SKAP1: variants seen among roughly 807,000 people sequenced by gnomAD.
SKAP1 encodes the protein src kinase-associated phosphoprotein 1.
SKAP1 carries 44 observed loss-of-function variants against 58.5 expected under a neutral mutation model. That is an observed-to-expected ratio of 0.75 (90% confidence interval 0.59 to 0.97). The LOEUF is 0.97. Among genes scored for constraint, SKAP1 ranks in the 50% least tolerant of loss-of-function variants. The pLI, the probability that SKAP1 is intolerant of heterozygous loss-of-function variation, is 0.00. For missense variants in SKAP1, 390 were observed against 435.2 expected (o/e 0.90, Z 0.92); for synonymous variants, 127 against 149.7 (o/e 0.85, Z 1.11).
At chr17:48,409,392 T>TG (rs2067632437) in intron 1 of SKAP1, among the ~76,000 whole-genome samples, 1 of 152,164 alleles carries the variant, frequency 6.6e-6, no homozygotes, top group Non-Finnish European at 1.5e-5. Context: ...CAGCTGGGTA[T>TG]GGTGGCTCAC....
chr17:48,437,269 CA>C, the SKAP1 span, among the ~76,000 whole-genome samples: 3 of 152,150 alleles, frequency 2.0e-5, no homozygotes, highest in Non-Finnish European at 4.4e-5. Context: ...CATGGGCTTA[CA>C]AATCAGAAAG....
intron 4 of SKAP1, among the ~76,000 whole-genome samples, chr17:48,287,091 C>T (rs943636512): frequency 1.8e-4 from 23 of 131,028 alleles, no homozygotes; most frequent in African/African-American, 6.2e-4. Context: ...AGCAAGACTC[C>T]GTCTCAAAAA....
rs553378092 is a variant in SKAP1, at chr17:48,297,183, C to G, written c.280+48722G>C. 3.3e-5 allele frequency among the ~76,000 whole-genome samples: 5 copies of G among 152,208 alleles called. No homozygotes were observed. The East Asian group carries it at 9.6e-4, about 29-fold the overall frequency. Reference sequence around the variant, plus strand: ...TGGTGGTTTTATTTTACTCTTTCACCTACTCTAAGTCTATAAATCAGTCTC... The same window carrying G: ...TGGTGGTTTTATTTTACTCTTTCACGTACTCTAAGTCTATAAATCAGTCTC... On this transcript the variant is annotated intron_variant, in intron 4 of 12. Transcript: ENST00000336915.
intron 4 of SKAP1, among the ~76,000 whole-genome samples, chr17:48,208,151 GA>G (rs1441366297): frequency 6.6e-6 from 1 of 152,098 alleles, no homozygotes; most frequent in Non-Finnish European, 1.5e-5. Context: ...AGGAAGGAAG[GA>G]AAAGTAAAAC....
chr17:48,140,760 TTTC>T (rs1324079846), intron 11 of SKAP1, among the ~76,000 whole-genome samples: 75 of 148,636 alleles, frequency 5.0e-4, no homozygotes, highest in African/African-American at 9.8e-4. Context: ...CTTCTTCTTC[TTTC>T]TTCTTCTTCT....
At chr17:48,256,962 G>A (rs952770109) in intron 4 of SKAP1, among the ~76,000 whole-genome samples, 3 of 151,962 alleles carry the variant, frequency 2.0e-5, no homozygotes, top group African/African-American at 7.3e-5. Flanking sequence ...ACCCCCTAAA[G>A]TCAAAGAGGT....
intron 4 of SKAP1, among the ~76,000 whole-genome samples, chr17:48,274,724 A>G (rs1347275946): frequency 6.6e-6 from 1 of 152,092 alleles, no homozygotes; most frequent in East Asian, 1.9e-4. Flanking sequence ...TTTTCTTTTA[A>G]AGAGACAGGG....
upstream of SKAP1, among the ~76,000 whole-genome samples, chr17:48,434,621 G>A (rs1196775956): frequency 6.6e-6 from 1 of 152,122 alleles, no homozygotes; most frequent in Non-Finnish European, 1.5e-5. Flanking sequence ...GTACAGGCTT[G>A]GAACAGTATG....
chr17:48,215,911 G>A (rs2064934041), intron 4 of SKAP1, among the ~76,000 whole-genome samples: 1 of 152,132 alleles, frequency 6.6e-6, no homozygotes. Context: ...CACCTTTCAG[G>A]AGAGCCCCTG....
intron 9 of SKAP1, among the ~76,000 whole-genome samples, chr17:48,173,666 A>C (rs994228963): frequency 6.6e-6 from 1 of 152,232 alleles, no homozygotes; most frequent in Non-Finnish European, 1.5e-5. Context: ...GCACTTTTGC[A>C]GAGGTTTATT....
chr17:48,271,362 C>CTTTTTT (rs35447830), intron 4 of SKAP1, among the ~76,000 whole-genome samples: 26 of 106,288 alleles, frequency 2.4e-4, no homozygotes, highest in Non-Finnish European at 3.1e-4. Context: ...TTCTTTGTTT[C>CTTTTTT]TTTTTTTTTT....
intron 4 of SKAP1, among the ~76,000 whole-genome samples, chr17:48,223,042 C>T (rs12952670): frequency 0.51 from 66,223 of 129,480 alleles, 17,714 homozygotes; most frequent in East Asian, 0.73. Flanking sequence ...CTAGCCTGGG[C>T]GACAGGGTGA....
intron 4 of SKAP1, among the ~76,000 whole-genome samples, chr17:48,251,121 C>T (rs117087654): frequency 2.0e-5 from 3 of 152,254 alleles, no homozygotes; most frequent in East Asian, 1.9e-4. Context: ...GTTAACTGCA[C>T]GATACTGTAA....
intron 4 of SKAP1, among the ~76,000 whole-genome samples, chr17:48,212,616 G>A (rs1000213096): frequency 6.6e-6 from 1 of 152,184 alleles, no homozygotes; most frequent in Non-Finnish European, 1.5e-5. Flanking sequence ...GTGCTTGAGG[G>A]TTACAGATAA....
At chr17:48,278,933 T>A (rs1278818408) in intron 4 of SKAP1, among the ~76,000 whole-genome samples, 1 of 152,158 alleles carries the variant, frequency 6.6e-6, no homozygotes, top group Non-Finnish European at 1.5e-5. Context: ...GGAGCTTACA[T>A]AACTTACTAA....
chr17:48,393,323 GTA>G (rs1305354166), intron 2 of SKAP1, among the ~76,000 whole-genome samples: 1 of 152,130 alleles, frequency 6.6e-6, no homozygotes, highest in Admixed American at 6.5e-5. Context: ...AAAGAAAAGA[GTA>G]TGTAAATATA....
chr17:48,232,184 C>T (rs1979897), intron 4 of SKAP1, among the ~76,000 whole-genome samples: 17,014 of 152,256 alleles, frequency 0.11, 1,017 homozygotes, highest in East Asian at 0.19. Context: ...CCTGGGCGTG[C>T]CTCAGATTAA....
chr17:48,190,334 G>A (rs925813664), intron 4 of SKAP1, among the ~76,000 whole-genome samples: 4 of 151,690 alleles, frequency 2.6e-5, no homozygotes, highest in African/African-American at 4.8e-5. Flanking sequence ...GGATGGTCTC[G>A]ATCTCCTGAC....
intron 4 of SKAP1, among the ~76,000 whole-genome samples, chr17:48,276,109 G>T (rs1471521981): frequency 1.3e-5 from 2 of 152,108 alleles, no homozygotes; most frequent in African/African-American, 2.4e-5. Flanking sequence ...TAGGTGACAG[G>T]ATTGGATCAA....
Sources: gnomAD v4.1 joint callset for allele counts (sites outside exome capture counted in the v4.1 genomes callset) on GRCh38, gnomAD v4.1.1 for gene constraint, MANE v1.5 for transcripts, NCBI Gene and HGNC (gene_info 2026-07-23, HGNC 2026-07-21) for gene names.